The following GRID1 variants were observed in gnomAD, a reference collection of about 807,000 sequenced individuals.
GRID1 encodes glutamate ionotropic receptor delta type subunit 1, also known as glutamate receptor ionotropic, delta-1.
A neutral mutation model predicts 98.0 loss-of-function variants in GRID1; 28 were observed. That is an observed-to-expected ratio of 0.29 (90% CI 0.21 to 0.39). The LOEUF is 0.39. Ranked by LOEUF, GRID1 falls within the 10% of genes least tolerant of loss-of-function variation. GRID1 has a pLI of 1.00. For missense variants in GRID1, 1,111 were observed against 1,340.5 expected (o/e 0.83, Z 2.67); for synonymous variants, 553 against 538.5 (o/e 1.03, Z -0.37).
At chr10:85,685,791 T>C (rs1196468189) in intron 12 of GRID1, among the ~76,000 whole-genome samples, 2 of 152,140 alleles carry the variant, frequency 1.3e-5, no homozygotes, top group Non-Finnish European at 2.9e-5. Flanking sequence ...AAAGCAGTAA[T>C]TTTCTGATAG....
chr10:85,919,050 G>T (rs956324014), intron 4 of GRID1, among the ~76,000 whole-genome samples: 58 of 152,226 alleles, frequency 3.8e-4, no homozygotes, highest in African/African-American at 1.3e-3. Flanking sequence ...CTCTGACCCT[G>T]CCTCTTGGCT....
chr10:86,066,810 T>C (rs1347150476), intron 4 of GRID1, among the ~76,000 whole-genome samples: 1 of 152,162 alleles, frequency 6.6e-6, no homozygotes, highest in Non-Finnish European at 1.5e-5. Flanking sequence ...GAAATGTGCC[T>C]AGATGTCACT....
intron 12 of GRID1, among the ~76,000 whole-genome samples, chr10:85,704,344 A>C (rs561571916): frequency 6.6e-5 from 10 of 152,292 alleles, no homozygotes; most frequent in Non-Finnish European, 7.3e-5. Context: ...ACAGACTTTA[A>C]ACCAACAAAG....
At chr10:85,948,462 C>G (rs1489606602) in intron 4 of GRID1, among the ~76,000 whole-genome samples, 1 of 152,170 alleles carries the variant, frequency 6.6e-6, no homozygotes, top group African/African-American at 2.4e-5. Flanking sequence ...AAGGAATTAA[C>G]TGCCCTACAC....
intron 12 of GRID1, among the ~76,000 whole-genome samples, chr10:85,722,078 TATC>T (rs1841708905): frequency 6.6e-6 from 1 of 152,202 alleles, no homozygotes. Flanking sequence ...TATTAGACAA[TATC>T]ATACTGAATC....
intron 4 of GRID1, among the ~76,000 whole-genome samples, chr10:86,103,129 T>C (rs1268014592): frequency 6.6e-6 from 1 of 152,108 alleles, no homozygotes; most frequent in African/African-American, 2.4e-5. Context: ...CAGTATGAAA[T>C]GGGCTAATAC....
At chr10:85,613,362 C>A in intron 15 of GRID1, 45 bp downstream of exon 15, 1 of 1,573,494 alleles carries the variant, frequency 6.4e-7, no homozygotes, top group South Asian at 1.2e-5. Flanking sequence ...TGTGACACTC[C>A]TGCCTCTAGG....
chr10:86,364,176 C>T, intron 1 of GRID1, 80 bp from the exon 2 acceptor site: 4 of 1,217,862 alleles, frequency 3.3e-6, no homozygotes, highest in Non-Finnish European at 4.7e-6. Context: ...TCAAGGCACT[C>T]GCAGACCGAT....
intron 5 of GRID1, among the ~76,000 whole-genome samples, chr10:85,906,260 T>C (rs1047128636): frequency 1.3e-5 from 2 of 152,046 alleles, no homozygotes; most frequent in Non-Finnish European, 2.9e-5. Context: ...TATTAAGCAA[T>C]AACTGGTAAA....
At chr10:85,947,521 C>T (rs1842068299) in intron 4 of GRID1, among the ~76,000 whole-genome samples, 1 of 152,198 alleles carries the variant, frequency 6.6e-6, no homozygotes, top group South Asian at 2.1e-4. Flanking sequence ...CTAGAAGACC[C>T]AGTCATTGTC....
intron 8 of GRID1, among the ~76,000 whole-genome samples, chr10:85,814,041 G>A (rs1842695731): frequency 6.6e-6 from 1 of 151,648 alleles, no homozygotes; most frequent in Non-Finnish European, 1.5e-5. Flanking sequence ...AAAGGATATG[G>A]AGACTGAACA....
At chr10:86,180,488 A>G (rs1845639780) in intron 3 of GRID1, among the ~76,000 whole-genome samples, 1 of 152,098 alleles carries the variant, frequency 6.6e-6, no homozygotes, top group African/African-American at 2.4e-5. Context: ...TGAGCAGAGG[A>G]CAGGTCCTGA....
chr10:85,789,321 C>T (rs1590232936), intron 8 of GRID1, among the ~76,000 whole-genome samples: 1 of 152,150 alleles, frequency 6.6e-6, no homozygotes, highest in South Asian at 2.1e-4. Context: ...CAGGCTGGTG[C>T]CCACCCAGAG....
intron 8 of GRID1, among the ~76,000 whole-genome samples, chr10:85,742,070 C>A (rs1841949288): frequency 6.6e-6 from 1 of 152,182 alleles, no homozygotes; most frequent in Non-Finnish European, 1.5e-5. Context: ...TTTCTTCATA[C>A]TTCTCAAATA....
chr10:85,774,306 C>T (rs1418892022), intron 8 of GRID1, among the ~76,000 whole-genome samples: 1 of 152,160 alleles, frequency 6.6e-6, no homozygotes, highest in Non-Finnish European at 1.5e-5. Flanking sequence ...CTTCCTTACA[C>T]CTTATACAAA....
chr10:86,351,498 G>A (rs1489461353), intron 2 of GRID1, among the ~76,000 whole-genome samples: 1 of 152,218 alleles, frequency 6.6e-6, no homozygotes, highest in African/African-American at 2.4e-5. Context: ...GGGAAAGACA[G>A]CCAGCCCTCT....
In GRID1 at chr10:85,856,190, T is replaced by A; in HGVS notation, c.952A>T (p.Ile318Phe). ...CTGTCATACAGATAGAGGTTGGAGA[T>A]CTGCAAAGACAGAGGCAGTGAAACC... ...PQEGYLQMLQ[I>F]SNLYLYDSVL... Residue 318 changes from isoleucine to phenylalanine, a missense_variant and splice_region_variant, in exon 7 of 16, where the codon ATC becomes TTC. By Grantham distance (21) the Ile-to-Phe change is conservative. Transcript: ENST00000327946. 1 of 1,614,024 alleles carries A rather than the reference T, an allele frequency of 6.2e-7. No homozygotes were observed. The highest frequency in any genetic ancestry group is 8.5e-7 in the Non-Finnish European group (1 of 1,179,910).
chr10:85,758,572 G>T (rs926064965), intron 8 of GRID1, among the ~76,000 whole-genome samples: 1 of 152,178 alleles, frequency 6.6e-6, no homozygotes, highest in Non-Finnish European at 1.5e-5. Flanking sequence ...AGTGCAGACT[G>T]CCAGGGATCA....
chr10:86,342,153 G>C (rs1183835495), intron 2 of GRID1, among the ~76,000 whole-genome samples: 1 of 152,194 alleles, frequency 6.6e-6, no homozygotes, highest in Non-Finnish European at 1.5e-5. Context: ...CTCAGTCAGT[G>C]GGGGCTCCAA....
Sources: gnomAD v4.1 joint callset for allele counts (sites outside exome capture counted in the v4.1 genomes callset) on GRCh38, gnomAD v4.1.1 for gene constraint, MANE v1.5 for transcripts, NCBI Gene and HGNC (gene_info 2026-07-23, HGNC 2026-07-21) for gene names.